Variants in TSPAN4 observed in about 807,000 individuals in gnomAD.
TSPAN4 encodes tetraspanin 4.
Under a neutral mutation model 31.5 loss-of-function variants are expected in TSPAN4, and 38 were observed. The observed-to-expected ratio is 1.21, with a 90% confidence interval of 0.93 to 1.58. TSPAN4 has a LOEUF of 1.58. Ranked by LOEUF, TSPAN4 falls within the 40% of genes most tolerant of loss-of-function variation. TSPAN4 has a pLI of 0.00. For synonymous variants in TSPAN4, 186 were observed against 144.6 expected, an observed-to-expected ratio of 1.29 and a Z score of -2.06; for missense variants, 330 against 317.3, an observed-to-expected ratio of 1.04 and a Z score of -0.30.
At position 852,906 on chromosome 11, in the gene TSPAN4, C is replaced by CT. The variant is rs1554990364; in HGVS notation, c.63+2539_63+2540insT. ...CCCGCGTGTGTCTGTCCTGACCCCC[C>CT]GCTGCCGGAGTCCTGCTGGGCCTGT... On this transcript the variant is annotated intron_variant, in intron 3 of 8. Coordinates refer to ENST00000397397, the MANE Select transcript of TSPAN4 (RefSeq NM_003271.5). 1.5e-4 allele frequency among the ~76,000 whole-genome samples: 23 copies of CT among 152,198 alleles called. No individual in the cohort carries two copies. The East Asian group carries it at 2.5e-3, about 17-fold the overall frequency.
At chr11:843,603 G>A (rs1425555252) in intron 1 of TSPAN4, 1 of 120,398 alleles carries the variant, frequency 8.3e-6, no homozygotes, top group Non-Finnish European at 1.9e-5. Flanking sequence ...CGAGGAGCCC[G>A]TGTCTCTCGG....
Position 865,749 on chromosome 11 carries a change from C to T in TSPAN4, c.488C>T (p.Thr163Met), listed in dbSNP as rs369027951. Reference sequence around the variant, plus strand: ...GACTGGTTCGAGGTGTACAACGCCACGCGGGTACCTGACTCCTGCTGCTTG... The same window carrying T: ...GACTGGTTCGAGGTGTACAACGCCATGCGGGTACCTGACTCCTGCTGCTTG... ...YTDWFEVYNA[T>M]RVPDSCCLEF... Residue 163 changes from threonine to methionine, a missense_variant, in exon 7 of 9, where the codon ACG (threonine) becomes ATG (methionine). Physicochemically the swap from Thr to Met is moderately conservative, Grantham distance 81. Coordinates refer to ENST00000397397, the MANE Select transcript of TSPAN4 (RefSeq NM_003271.5). 18 of 1,613,084 alleles carry T rather than the reference C, an allele frequency of 1.1e-5. No homozygotes were observed. The highest frequency in any genetic ancestry group is 3.3e-5 in the Admixed American group (2 of 59,974).
chr11:853,320 G>C (rs1475244193), intron 3 of TSPAN4, among the ~76,000 whole-genome samples: 2 of 152,112 alleles, frequency 1.3e-5, no homozygotes, highest in African/African-American at 4.8e-5. Context: ...ACCCTCCAAG[G>C]CCCTCACAGT....
chr11:858,930 CCGGG>C (rs1848236086), intron 3 of TSPAN4, among the ~76,000 whole-genome samples: 1 of 142,142 alleles, frequency 7.0e-6, no homozygotes, highest in Admixed American at 6.9e-5. Flanking sequence ...TCACGCACCC[CCGGG>C]CTCACACCCC....
In TSPAN4 at chr11:848,742, C is replaced by T. The variant is rs1181748883; in HGVS notation, c.-18+1442C>T. ...GGGCTTCAGGTCATCTGCCAGGAATCTGGGCCACGTGCTGATATCTTCCCA... is the reference window on the plus strand; with the variant it reads ...GGGCTTCAGGTCATCTGCCAGGAATTTGGGCCACGTGCTGATATCTTCCCA... On this transcript the variant is annotated intron_variant, in intron 2 of 8. Coordinates refer to ENST00000397397, the MANE Select transcript of TSPAN4 (RefSeq NM_003271.5). This position sits in a 1 kb window ranked among gnomAD's most constrained non-coding sequence, Gnocchi z 5.7. The T allele has an allele frequency of 1.9e-6, 1 of 522,456 alleles. No individual in the cohort carries two copies. The highest frequency in any genetic ancestry group is 2.0e-5 in the African/African-American group (1 of 51,216). 32.4% of individuals were successfully genotyped at this position (522,456 alleles called of 1,614,324 possible).
chr11:850,744 G>A (rs1847639800), intron 3 of TSPAN4, among the ~76,000 whole-genome samples: 1 of 152,204 alleles, frequency 6.6e-6, no homozygotes, highest in African/African-American at 2.4e-5. Flanking sequence ...AGTTTTGCGC[G>A]GGGCCCCGGT....
intron 4 of TSPAN4, 155 bp downstream of exon 4, chr11:862,896 C>T: frequency 1.3e-6 from 1 of 780,310 alleles, no homozygotes; most frequent in Non-Finnish European, 2.0e-6. Flanking sequence ...GGGCCCTGGC[C>T]ACTGTTGGGT....
At chr11:858,880 C>T (rs1848230176) in intron 3 of TSPAN4, among the ~76,000 whole-genome samples, 2 of 146,008 alleles carry the variant, frequency 1.4e-5, no homozygotes, top group South Asian at 4.4e-4. Flanking sequence ...CCCATGCACC[C>T]CTGGGTCACA....
chr11:866,417 CA>C (rs1848840713), intron 8 of TSPAN4, 144 bp from the exon 9 acceptor site: 1 of 704,686 alleles, frequency 1.4e-6, no homozygotes, highest in Admixed American at 3.1e-5. Flanking sequence ...TGCAAGCCAC[CA>C]GGAAGCTGAA....
chr11:856,064 C>T (rs544906579), intron 3 of TSPAN4, among the ~76,000 whole-genome samples: 13 of 152,322 alleles, frequency 8.5e-5, no homozygotes, highest in East Asian at 5.8e-4. Flanking sequence ...GGGGCCGTCC[C>T]GCAGCACCTG....
At chr11:844,348 C>T (rs990452708) in intron 1 of TSPAN4, 2 of 152,508 alleles carry the variant, frequency 1.3e-5, no homozygotes, top group Admixed American at 6.5e-5. Context: ...GTGAGCTGCT[C>T]TCCAAATCCT....
chr11:864,315 C>T, intron 4 of TSPAN4, 122 bp from the exon 5 acceptor site: 1 of 1,258,316 alleles, frequency 7.9e-7, no homozygotes, highest in Non-Finnish European at 1.1e-6. Flanking sequence ...GAGTGGGGGC[C>T]TGGCAGAGGT....
At chr11:861,685 C>CTG (rs1249646201) in intron 3 of TSPAN4, among the ~76,000 whole-genome samples, 1 of 151,644 alleles carries the variant, frequency 6.6e-6, no homozygotes, top group African/African-American at 2.4e-5. Flanking sequence ...GCACTCCAGC[C>CTG]TGGGTGACAG....
chr11:860,135 G>A (rs764681490), intron 3 of TSPAN4, among the ~76,000 whole-genome samples: 52 of 152,222 alleles, frequency 3.4e-4, no homozygotes, highest in Non-Finnish European at 6.2e-4. Context: ...AACTTTAAGC[G>A]GAGATGCTAC....
In TSPAN4 at chr11:865,629, G is replaced by C; in HGVS notation, c.432+15G>C. On this transcript the variant is annotated intron_variant, in intron 6 of 8. Transcript: ENST00000397397. Reference sequence around the variant, plus strand: ...TCCAGACCGACGTGAGGCGTGGGCAGGTGGGCGGGGTCGGCGGGTGCCCCC... The same window carrying C: ...TCCAGACCGACGTGAGGCGTGGGCACGTGGGCGGGGTCGGCGGGTGCCCCC... 6.2e-7 allele frequency: 1 copy of C among 1,612,686 alleles called. No homozygotes were observed. The highest frequency in any genetic ancestry group is 8.5e-7 in the Non-Finnish European group (1 of 1,179,816).
Position 866,622 on chromosome 11 carries a change from T to C in TSPAN4, c.709T>C (p.Cys237Arg), listed in dbSNP as rs762736380. The part of the protein sequence containing the change: ...YCQVVKADTY[C>R]A The stretch of plus-strand genomic sequence containing the variant: ...CCAAGTGGTCAAGGCAGACACCTAC[T>C]GCGCGTAGGCCGCCCACCGCCCGCT... The change falls in exon 9 of 9, where the codon TGC becomes CGC. Residue 237 changes from cysteine to arginine, a missense_variant. Physicochemically the swap from Cys to Arg is radical, Grantham distance 180. Transcript: ENST00000397397. 1.9e-6 allele frequency: 3 copies of C among 1,612,826 alleles called. No homozygotes were observed. Among genetic ancestry groups the C allele is most frequent in the Non-Finnish European group, 2.5e-6 (3 of 1,179,640 alleles).
At chr11:852,150 T>C (rs1220021993) in intron 3 of TSPAN4, among the ~76,000 whole-genome samples, 8 of 152,178 alleles carry the variant, frequency 5.3e-5, no homozygotes, top group Admixed American at 2.6e-4. Context: ...TTTTTTGAGA[T>C]AGAGTCTTGC....
Position 866,412 on chromosome 11 carries a change from G to A in TSPAN4, c.649-150G>A, listed in dbSNP as rs1030172525. ...CACAGGGGTTGGGTGGGGCGTGCAA[G>A]CCACCAGGAAGCTGAAGGGCTCTGC... On this transcript the variant is annotated intron_variant, in intron 8 of 8. Coordinates refer to ENST00000397397, the MANE Select transcript of TSPAN4 (RefSeq NM_003271.5). The A allele has an allele frequency of 8.7e-6, 6 of 686,632 alleles. No homozygotes were observed. The African/African-American group carries it at 1.1e-4, about 12-fold the overall frequency. 42.5% of individuals were successfully genotyped at this position (686,632 alleles called of 1,614,324 possible).
rs370659254 is a variant in TSPAN4 at position 862,694 on chromosome 11, G to A, written c.208G>A (p.Val70Met). 2.9e-5 allele frequency: 46 copies of A among 1,612,882 alleles called. No individual in the cohort carries two copies. In the Middle Eastern group the frequency reaches 4.9e-4, roughly 17 times the overall value. Residue 70 changes from valine (V) to methionine (M), a missense_variant, in exon 4 of 9, where the codon GTG becomes ATG. By Grantham distance (21) the Val-to-Met change is conservative. Transcript: ENST00000397397. ...TGAFVMAIGF[V>M]GCLGAIKENK... is the part of the protein sequence containing the mutation. ...CGCCTTTGTCATGGCCATCGGCTTC[G>A]TGGGCTGCCTGGGTGCCATCAAGGA...
Sources: gnomAD v4.1 joint callset for allele counts (sites outside exome capture counted in the v4.1 genomes callset) on GRCh38, gnomAD v4.1.1 for gene constraint, Gnocchi (gnomAD v3.1) non-coding constraint, MANE v1.5 for transcripts, NCBI Gene and HGNC (gene_info 2026-07-23, HGNC 2026-07-21) for gene names.